TMED8: variants seen among roughly 807,000 people sequenced by gnomAD.
The protein encoded by TMED8 is transmembrane p24 trafficking protein family member 8.
A neutral mutation model predicts 32.7 loss-of-function variants in TMED8; 15 were observed. The observed-to-expected ratio is 0.46, with a 90% CI of 0.31 to 0.71. The LOEUF (loss-of-function observed/expected upper bound fraction) is 0.71, where lower values mean the gene tolerates loss of function less well. Ranked by LOEUF, TMED8 falls within the 30% of genes least tolerant of loss-of-function variation. The pLI is 0.06. For missense variants in TMED8, 390 were observed against 423.9 expected (o/e 0.92, Z 0.70); for synonymous variants, 147 against 161.4 (o/e 0.91, Z 0.68).
intron 2 of TMED8, among the ~76,000 whole-genome samples, chr14:77,350,412 A>G (rs576333596): frequency 3.9e-5 from 6 of 152,346 alleles, no homozygotes; most frequent in Non-Finnish European, 5.9e-5. Flanking sequence ...TAGGCTCCCA[A>G]CAAACATCTG....
chr14:77,348,371 G>C (rs1018760734), intron 2 of TMED8, among the ~76,000 whole-genome samples: 2 of 151,568 alleles, frequency 1.3e-5, no homozygotes, highest in African/African-American at 2.4e-5. Context: ...TACAGGCGCC[G>C]GCCACCACAC....
intron 1 of TMED8, among the ~76,000 whole-genome samples, chr14:77,352,828 G>A (rs1000536753): frequency 2.0e-5 from 3 of 152,168 alleles, no homozygotes; most frequent in Non-Finnish European, 4.4e-5. Flanking sequence ...AGAGTGGGAT[G>A]TAAGATAAAC....
In TMED8 at chr14:77,351,558, G is replaced by GC. The variant is rs1471806527; in HGVS notation, c.197+114dup. On this transcript the variant is annotated intron_variant, in intron 2 of 5. Coordinates refer to ENST00000216468, the MANE Select transcript of TMED8 (RefSeq NM_213601.3). ...TTACAGGCGTGAGCCACTGCGCCCG[G>GC]CCCACATTCTTTACTTTAACTTGCC... The GC allele has an allele frequency of 2.2e-5, 21 of 974,542 alleles. No homozygotes were observed. The African/African-American group carries it at 3.1e-4, about 15-fold the overall frequency. 60.4% of individuals were successfully genotyped at this position (974,542 alleles called of 1,614,324 possible). A position where few individuals can be genotyped will look rare whatever the true frequency, so the allele number is the denominator to read the frequency against.
In TMED8 at chr14:77,341,693, G is replaced by A; in HGVS notation, c.*78C>T. ...AGCCCCCCATGAACCTTTGGCTCTT[G>A]CCTATCCCAAACAAGAGGCACCAGC... On this transcript the variant is annotated 3_prime_UTR_variant, in exon 6 of 6. Transcript: ENST00000216468. 6.9e-7 allele frequency: 1 copy of A among 1,443,816 alleles called. No individual in the cohort carries two copies. Among genetic ancestry groups the A allele is most frequent in the Admixed American group, 1.7e-5 (1 of 58,366 alleles). 89.4% of individuals were successfully genotyped at this position (1,443,816 alleles called of 1,614,324 possible). A position where few individuals can be genotyped will look rare whatever the true frequency, so the allele number is the denominator to read the frequency against.
intron 1 of TMED8, among the ~76,000 whole-genome samples, chr14:77,372,944 ATATATATATTTTTTTTTTTTTTT>A (rs1893723846): frequency 2.2e-4 from 5 of 23,198 alleles, no homozygotes; most frequent in South Asian, 1.5e-3. Context: ...ATATATATAT[ATATATATATTTTTTTTTTTTTTT>A]TTTTTTTTTT....
chr14:77,347,684 C>T (rs552645044), intron 2 of TMED8, among the ~76,000 whole-genome samples: 2 of 152,322 alleles, frequency 1.3e-5, no homozygotes, highest in East Asian at 3.9e-4. Context: ...GGATTACAGG[C>T]GTGAGCCACC....
Position 77,376,932 on chromosome 14 carries a change from G to A in TMED8, c.118+4C>T, listed in dbSNP as rs897027428. 2.8e-6 allele frequency: 4 copies of A among 1,444,046 alleles called. No individual in the cohort carries two copies. The highest frequency in any genetic ancestry group is 2.7e-5 in the Admixed American group (1 of 37,298). The allele number at this position is 1,444,046 out of a possible 1,614,324, so 89.5% of individuals were successfully genotyped here. A position where few individuals can be genotyped will look rare whatever the true frequency, so the allele number is the denominator to read the frequency against. On this transcript the variant is annotated splice_donor_region_variant and intron_variant, in intron 1 of 5. Transcript: ENST00000216468. This position sits in a 1 kb window ranked among gnomAD's most constrained non-coding sequence, Gnocchi z 4.0. ...CCACCCGCCAGCGCCCCGGCCTTGC[G>A]TACCTGAGGCGGCCGCCTGGCTCCC...
In TMED8 at chr14:77,376,947, G is replaced by A; in HGVS notation, c.107C>T (p.Ala36Val). 6.9e-7 allele frequency: 1 copy of A among 1,454,996 alleles called. No individual in the cohort carries two copies. The highest frequency in any genetic ancestry group is 9.0e-7 in the Non-Finnish European group (1 of 1,110,858). 90.1% of individuals were successfully genotyped at this position (1,454,996 alleles called of 1,614,324 possible). Residue 36 changes from alanine (A) to valine (V), a missense_variant, in exon 1 of 6, where the codon GCG becomes GTG. Transcript: ENST00000216468. The surrounding 1 kb of genome is among the most constrained non-coding windows in gnomAD (Gnocchi z 4.0). ...GDCQGVEGSQ[A>V]AASENEDLEN... Reference sequence around the variant, plus strand: ...CCGGCCTTGCGTACCTGAGGCGGCCGCCTGGCTCCCCTCCACTCCCTGGCA... The same window carrying A: ...CCGGCCTTGCGTACCTGAGGCGGCCACCTGGCTCCCCTCCACTCCCTGGCA...
chr14:77,376,681 A>C lies in TMED8; in HGVS notation c.118+255T>G. On this transcript the variant is annotated intron_variant, in intron 1 of 5. Transcript: ENST00000216468. The surrounding 1 kb of genome is among the most constrained non-coding windows in gnomAD (Gnocchi z 4.0). ...CCAGGGGCAGAGCCACCCTGTCACT[A>C]CCATTTGGGCAGATCTCAGAAAGGA... 3.5e-6 allele frequency: 1 copy of C among 287,144 alleles called. No individual in the cohort carries two copies. Among genetic ancestry groups the C allele is most frequent in the Non-Finnish European group, 6.4e-6 (1 of 155,600 alleles). 17.8% of individuals were successfully genotyped at this position (287,144 alleles called of 1,614,324 possible).
chr14:77,337,892 G>A lies in TMED8; in HGVS notation c.*3879C>T, dbSNP rs2139595570. 6.6e-6 allele frequency: 1 copy of A among 152,268 alleles called. No homozygotes were observed. Among genetic ancestry groups the A allele is most frequent in the South Asian group, 2.1e-4 (1 of 4,828 alleles). 9.4% of individuals were successfully genotyped at this position (152,268 alleles called of 1,614,324 possible). On this transcript the variant is annotated 3_prime_UTR_variant, in exon 6 of 6. Coordinates refer to ENST00000216468, the MANE Select transcript of TMED8 (RefSeq NM_213601.3). ...GGTAGTTTAAAATTTTTACATTTAT[G>A]CGGGGAGTGTGTGTATACATATATA...
At position 77,350,025 on chromosome 14, in the gene TMED8, T is replaced by C. The variant is rs371005505; in HGVS notation, c.197+1648A>G. 2.4e-4 allele frequency among the ~76,000 whole-genome samples: 37 copies of C among 152,378 alleles called. No homozygotes were observed. In the East Asian group the frequency reaches 6.4e-3, roughly 26 times the overall value. Reference sequence around the variant, plus strand: ...AGACAAGACACTGGCTAATACCAACTGGTGGTTCCTATTCTCAGGGGAGAT... The same window carrying C: ...AGACAAGACACTGGCTAATACCAACCGGTGGTTCCTATTCTCAGGGGAGAT... On this transcript the variant is annotated intron_variant, in intron 2 of 5. Transcript: ENST00000216468.
At chr14:77,353,644 T>TG (rs1161586810) in intron 1 of TMED8, among the ~76,000 whole-genome samples, 7 of 150,836 alleles carry the variant, frequency 4.6e-5, no homozygotes, top group Non-Finnish European at 8.9e-5. Flanking sequence ...TTTGTAGAGA[T>TG]GGGGGTCTCA....
At position 77,376,883 on chromosome 14, in the gene TMED8, C is replaced by T; in HGVS notation, c.118+53G>A. On this transcript the variant is annotated intron_variant, in intron 1 of 5. Transcript: ENST00000216468. The surrounding 1 kb of genome is among the most constrained non-coding windows in gnomAD (Gnocchi z 4.0). ...CGCGGCGGAGGCTCGCGCCGTGGTG[C>T]GGGGCCCTGAGGCCGGGCGGCACCC... 2.6e-6 allele frequency: 3 copies of T among 1,145,412 alleles called. No individual in the cohort carries two copies. The highest frequency in any genetic ancestry group is 1.9e-5 in the South Asian group (1 of 52,756). The allele number at this position is 1,145,412 out of a possible 1,614,324, so 71.0% of individuals were successfully genotyped here. A position where few individuals can be genotyped will look rare whatever the true frequency, so the allele number is the denominator to read the frequency against.
intron 5 of TMED8, 28 bp from the exon 6 acceptor site, chr14:77,342,016 A>G: frequency 1.2e-6 from 2 of 1,607,200 alleles, no homozygotes; most frequent in Non-Finnish European, 8.5e-7. Flanking sequence ...CAAAGTGTTC[A>G]GAGACTGCGT....
intron 2 of TMED8, among the ~76,000 whole-genome samples, chr14:77,347,502 A>G (rs924563504): frequency 3.3e-5 from 5 of 152,178 alleles, no homozygotes; most frequent in Non-Finnish European, 5.9e-5. Context: ...CCACAACCTC[A>G]AGCAATTCTC....
chr14:77,369,423 T>TG lies in TMED8; in HGVS notation c.118+7512dup, dbSNP rs147429986. 2.0e-3 allele frequency among the ~76,000 whole-genome samples: 304 copies of TG among 152,378 alleles called. 11 individuals are homozygous for TG. In the East Asian group the frequency reaches 0.048, roughly 24 times the overall value. ...TCATGAACTTAGCTGTTTCTGAAGC[T>TG]GAGTTGCACTCCCTGCAATGACCTA... On this transcript the variant is annotated intron_variant, in intron 1 of 5. Transcript: ENST00000216468.
At chr14:77,347,135 A>T (rs559338035) in intron 2 of TMED8, among the ~76,000 whole-genome samples, 5 of 152,176 alleles carry the variant, frequency 3.3e-5, no homozygotes, top group African/African-American at 1.2e-4. Context: ...GTGAGTTCCA[A>T]TGTTATTCCT....
At chr14:77,343,625 T>TTGGC in intron 4 of TMED8, 72 bp downstream of exon 4, 1 of 1,596,502 alleles carries the variant, frequency 6.3e-7, no homozygotes, top group Middle Eastern at 1.7e-4. Context: ...TTCCTTCCAT[T>TTGGC]TGTCTGTCTG....
Position 77,346,426 on chromosome 14 carries a change from C to T in TMED8, c.250G>A (p.Ala84Thr). The change falls in exon 3 of 6, where the codon GCA (alanine) becomes ACA (threonine). Residue 84 changes from alanine (A) to threonine (T), a missense_variant. By Grantham distance (58) the Ala-to-Thr change is moderately conservative (BLOSUM62 0). Transcript: ENST00000216468. ...SKDATEDLRK[A>T]TGPLEAQALV... ...GCCTGAGCCTCCAAAGGACCAGTTG[C>T]TTTCCGCAGATCTTCCGTGGCATCC... The T allele has an allele frequency of 6.2e-7, 1 of 1,614,210 alleles. No individual in the cohort carries two copies. Among genetic ancestry groups the T allele is most frequent in the Non-Finnish European group, 8.5e-7 (1 of 1,180,042 alleles).
Sources: gnomAD v4.1 joint callset for allele counts (sites outside exome capture counted in the v4.1 genomes callset) on GRCh38, gnomAD v4.1.1 for gene constraint, Gnocchi (gnomAD v3.1) non-coding constraint, MANE v1.5 for transcripts, NCBI Gene and HGNC (gene_info 2026-07-23, HGNC 2026-07-21) for gene names.